MBD3: variants seen among roughly 807,000 people sequenced by gnomAD.
MBD3 encodes methyl-CpG binding domain protein 3.
Under a neutral mutation model 31.2 loss-of-function variants are expected in MBD3, and 13 were observed. The observed-to-expected ratio is 0.42, with a 90% confidence interval of 0.27 to 0.66. MBD3 has a LOEUF of 0.66. Among genes scored for constraint, MBD3 ranks in the 30% least tolerant of loss-of-function variants. The pLI, the probability that MBD3 is intolerant of heterozygous loss-of-function variation, is 0.26. For synonymous variants in MBD3, 223 were observed against 187.4 expected (o/e 1.19, Z -1.55); for missense variants, 440 against 426.5 (o/e 1.03, Z -0.28).
chr19:1,576,311 G>C lies in MBD3; in HGVS notation c.*1853C>G, dbSNP rs1196524269. ...CACAGCTCCCCTCCCTGCAGCGGCTGTGCAGGACCTGAGGACCTGGGGGGC... is the reference window on the plus strand; with the variant it reads ...CACAGCTCCCCTCCCTGCAGCGGCTCTGCAGGACCTGAGGACCTGGGGGGC... On this transcript the variant is annotated 3_prime_UTR_variant, in exon 7 of 7. Coordinates refer to ENST00000434436, the MANE Select transcript of MBD3 (RefSeq NM_001281453.2). 2.0e-5 allele frequency: 3 copies of C among 152,290 alleles called. No homozygotes were observed. The highest frequency in any genetic ancestry group is 6.5e-5 in the Admixed American group (1 of 15,276). The allele number at this position is 152,290 out of a possible 1,614,324, so 9.4% of individuals were successfully genotyped here. A position where few individuals can be genotyped will look rare whatever the true frequency, so the allele number is the denominator to read the frequency against.
At chr19:1,588,240 G>A (rs1179619825) in intron 1 of MBD3, among the ~76,000 whole-genome samples, 1 of 152,212 alleles carries the variant, frequency 6.6e-6, no homozygotes, top group Non-Finnish European at 1.5e-5. Flanking sequence ...GTGCCTGGGG[G>A]TCTGAAACCA....
At chr19:1,579,383 G>T (rs1335311608) in intron 5 of MBD3, among the ~76,000 whole-genome samples, 1 of 151,536 alleles carries the variant, frequency 6.6e-6, no homozygotes, top group Admixed American at 6.6e-5. Context: ...GGGATGGGGG[G>T]CCTCCTCCTC....
rs961339803 is a variant in MBD3, at chr19:1,573,656, G to A, written c.*4508C>T. ...ATCTCAAAAAACCCACTTCACACACGTTAACTGGAAATATCTTCAAATGAA... is the reference window on the plus strand; with the variant it reads ...ATCTCAAAAAACCCACTTCACACACATTAACTGGAAATATCTTCAAATGAA... On this transcript the variant is annotated 3_prime_UTR_variant, in exon 7 of 7. Transcript: ENST00000434436. The A allele has an allele frequency of 1.1e-4, 17 of 152,188 alleles. No homozygotes were observed. The highest frequency in any genetic ancestry group is 3.6e-4 in the African/African-American group (15 of 41,436). The allele number at this position is 152,188 out of a possible 1,614,324, so 9.4% of individuals were successfully genotyped here.
intron 4 of MBD3, chr19:1,581,837 G>A (rs538818195): frequency 2.3e-4 from 38 of 162,438 alleles, no homozygotes; most frequent in East Asian, 5.5e-4. Flanking sequence ...GTGCGATCTC[G>A]GCTCACTGTA....
In MBD3 at chr19:1,578,272, G is replaced by A. The variant is rs188011356; in HGVS notation, c.*5+63C>T. ...CACCCGTCATCCCAAGCACATCTGT[G>A]TTCACCAGGCAGTCCCCACTGCCAG... On this transcript the variant is annotated intron_variant, in intron 6 of 6. Transcript: ENST00000434436. This position sits in a 1 kb window ranked among gnomAD's most constrained non-coding sequence, Gnocchi z 6.1. 3 of 1,596,426 alleles carry A rather than the reference G, an allele frequency of 1.9e-6. 1 individual carries two copies. In the East Asian group the frequency reaches 6.7e-5, roughly 36 times the overall value.
rs1394418228 is a variant in MBD3 at position 1,575,050 on chromosome 19, C to T, written c.*3114G>A. Reference sequence around the variant, plus strand: ...CTCGCCACGGGGGTCCTGAGCCTCTCCTCCCTGGTACCCTCTGTGGCGGCA... The same window carrying T: ...CTCGCCACGGGGGTCCTGAGCCTCTTCTCCCTGGTACCCTCTGTGGCGGCA... On this transcript the variant is annotated 3_prime_UTR_variant, in exon 7 of 7. Transcript: ENST00000434436. The T allele has an allele frequency of 2.7e-6, 1 of 363,742 alleles. No homozygotes were observed. Among genetic ancestry groups the T allele is most frequent in the Non-Finnish European group, 5.6e-6 (1 of 178,524 alleles). The allele number at this position is 363,742 out of a possible 1,614,324, so 22.5% of individuals were successfully genotyped here.
chr19:1,592,401 C>CACGCACGCACG (rs1469440175), intron 1 of MBD3, 121 bp downstream of exon 1: 14 of 244,280 alleles, frequency 5.7e-5, no homozygotes, highest in South Asian at 1.5e-4. Flanking sequence ...AAGACGCACG[C>CACGCACGCACG]ACGCACGCAC....
At chr19:1,587,275 T>A (rs1205877594) in intron 1 of MBD3, among the ~76,000 whole-genome samples, 4 of 152,042 alleles carry the variant, frequency 2.6e-5, no homozygotes, top group African/African-American at 9.7e-5. Context: ...AATTTTTATA[T>A]TTTTTTAATA....
Position 1,578,378 on chromosome 19 carries a change from C to T in MBD3, c.838G>A (p.Glu280Lys). The stretch of plus-strand genomic sequence containing the variant: ...ATCTCCGGGTCCGGGTCGGGCTCCT[C>T]CTCCTCCTCCTCCTCGTCTTCCTCG... Reference protein sequence around the residue: ...DDEEDEEEEEEEPDPDPEMEH... With the variant: ...DDEEDEEEEEKEPDPDPEMEH... The change falls in exon 6 of 7, where the codon GAG (glutamate) becomes AAG (lysine). Residue 280 changes from glutamate (E) to lysine (K), a missense_variant. Physicochemically the swap from Glu to Lys is moderately conservative, Grantham distance 56. Coordinates refer to ENST00000434436, the MANE Select transcript of MBD3 (RefSeq NM_001281453.2). This position sits in a 1 kb window ranked among gnomAD's most constrained non-coding sequence, Gnocchi z 6.1. 1 of 1,600,222 alleles carries T rather than the reference C, an allele frequency of 6.2e-7. No homozygotes were observed. Among genetic ancestry groups the T allele is most frequent in the Non-Finnish European group, 8.5e-7 (1 of 1,177,078 alleles).
At position 1,590,297 on chromosome 19, in the gene MBD3, C is replaced by CA. The variant is rs531012004; in HGVS notation, c.110+2224dup. On this transcript the variant is annotated intron_variant, in intron 1 of 6. Transcript: ENST00000434436. ...TGGGCCAAGAGTGAAACTCCATCTC[C>CA]AAAAAAAAACCCCACTGAATTGTAC... Among the ~76,000 whole-genome samples the CA allele has an allele frequency of 2.5e-4, 37 of 149,654 alleles. 1 individual carries two copies. Among genetic ancestry groups the CA allele is most frequent in the South Asian group, 8.4e-4 (4 of 4,742 alleles).
chr19:1,579,883 G>A (rs867497853), intron 5 of MBD3, among the ~76,000 whole-genome samples: 11 of 152,256 alleles, frequency 7.2e-5, no homozygotes, highest in Middle Eastern at 6.8e-3. Context: ...TCAGCCTCCC[G>A]AGTACCTGGG....
intron 1 of MBD3, chr19:1,586,256 G>C (rs946160406): frequency 6.6e-6 from 1 of 152,234 alleles, no homozygotes; most frequent in African/African-American, 2.4e-5. Context: ...ATGGATGAAC[G>C]GACAAACGCC....
Position 1,578,954 on chromosome 19 carries a change from T to C in MBD3, c.678-416A>G, listed in dbSNP as rs1413576569. Among the ~76,000 whole-genome samples the C allele has an allele frequency of 6.6e-6, 1 of 151,608 alleles. No homozygotes were observed. The highest frequency in any genetic ancestry group is 1.5e-5 in the Non-Finnish European group (1 of 67,906). Reference sequence around the variant, plus strand: ...ATCCCAGCACTTTGGGAGGCCGAGGTGGGCAGATCACTTGAGGTCAGGCGT... The same window carrying C: ...ATCCCAGCACTTTGGGAGGCCGAGGCGGGCAGATCACTTGAGGTCAGGCGT... On this transcript the variant is annotated intron_variant, in intron 5 of 6. Coordinates refer to ENST00000434436, the MANE Select transcript of MBD3 (RefSeq NM_001281453.2). The surrounding 1 kb of genome is among the most constrained non-coding windows in gnomAD (Gnocchi z 6.1).
In MBD3 at chr19:1,575,077, C is replaced by T. The variant is rs1419236999; in HGVS notation, c.*3087G>A. On this transcript the variant is annotated 3_prime_UTR_variant, in exon 7 of 7. Coordinates refer to ENST00000434436, the MANE Select transcript of MBD3 (RefSeq NM_001281453.2). ...TCCCTGGTACCCTCTGTGGCGGCAG[C>T]GGTGGGGAGCTTGGTCTGAGGGGAG... is the stretch of plus-strand genomic sequence containing the variant. The T allele has an allele frequency of 1.6e-5, 6 of 375,570 alleles. No homozygotes were observed. Among genetic ancestry groups the T allele is most frequent in the East Asian group, 8.3e-5 (1 of 12,076 alleles). The allele number at this position is 375,570 out of a possible 1,614,324, so 23.3% of individuals were successfully genotyped here.
intron 1 of MBD3, chr19:1,592,253 GC>G: frequency 6.4e-6 from 1 of 155,104 alleles, no homozygotes. Context: ...GCCGCCAGGC[GC>G]CCCTGGCCCA....
At chr19:1,579,515 TCTG>T (rs770070971) in intron 5 of MBD3, among the ~76,000 whole-genome samples, 29 of 152,228 alleles carry the variant, frequency 1.9e-4, no homozygotes, top group South Asian at 4.1e-4. Context: ...CCGTCTCTGT[TCTG>T]CTTTCAGTCC....
chr19:1,578,461 T>G lies in MBD3; in HGVS notation c.755A>C (p.Glu252Ala). 1 of 1,609,400 alleles carries G rather than the reference T, an allele frequency of 6.2e-7. No individual in the cohort carries two copies. Among genetic ancestry groups the G allele is most frequent in the East Asian group, 2.2e-5 (1 of 44,870 alleles). ...CGCCTCCCCGTCACGGGCCAGCTCC[T>G]CCACGTGCGCCAGCATGTCGGCCAT... ...ALMADMLAHV[E>A]ELARDGEAPL... The change falls in exon 6 of 7, where the codon GAG (glutamate) becomes GCG (alanine). Residue 252 changes from glutamate (E) to alanine (A), a missense_variant. Glu to Ala is a moderately radical substitution (Grantham distance 107). Coordinates refer to ENST00000434436, the MANE Select transcript of MBD3 (RefSeq NM_001281453.2). This position sits in a 1 kb window ranked among gnomAD's most constrained non-coding sequence, Gnocchi z 6.1.
rs1301377126 is a variant in MBD3 at position 1,585,015 on chromosome 19, C to T, written c.270+40G>A. 11 of 1,604,894 alleles carry T rather than the reference C, an allele frequency of 6.9e-6. No individual in the cohort carries two copies. Among genetic ancestry groups the T allele is most frequent in the Non-Finnish European group, 9.3e-6 (11 of 1,178,726 alleles). On this transcript the variant is annotated intron_variant, in intron 2 of 6. Coordinates refer to ENST00000434436, the MANE Select transcript of MBD3 (RefSeq NM_001281453.2). This position sits in a 1 kb window ranked among gnomAD's most constrained non-coding sequence, Gnocchi z 4.1. ...GTCATGGCCGCGTCCCCGCCTAGAA[C>T]GCCCCGCGCCGACGTCACCTGCGTG...
intron 4 of MBD3, 56 bp from the exon 5 acceptor site, chr19:1,581,325 G>A: frequency 6.5e-7 from 1 of 1,548,924 alleles, no homozygotes; most frequent in Non-Finnish European, 8.7e-7. Flanking sequence ...GGGCAGCTGT[G>A]GCCCAGACAG....
Sources: allele counts gnomAD v4.1 joint callset (sites outside exome capture counted in the v4.1 genomes callset), GRCh38; gene constraint gnomAD v4.1.1; non-coding constraint Gnocchi (gnomAD v3.1); transcripts MANE v1.5; gene names NCBI Gene and HGNC (gene_info 2026-07-23, HGNC 2026-07-21).